CD48: variants seen among roughly 807,000 people sequenced by gnomAD.
CD48 encodes the protein CD48 molecule.
In CD48, 20 loss-of-function variants were observed where a neutral mutation model predicts 22.0. The observed-to-expected ratio is 0.91, with a 90% CI of 0.64 to 1.32. The LOEUF (loss-of-function observed/expected upper bound fraction) is 1.32, where lower values mean the gene tolerates loss of function less well. Ranked by LOEUF, CD48 falls within the 40% of genes most tolerant of loss-of-function variation. The pLI is 0.00. For missense variants in CD48, 307 were observed against 286.5 expected (o/e 1.07, Z -0.52); for synonymous variants, 110 against 110.1 (o/e 1.00, Z 0.01).
intron 1 of CD48, among the ~76,000 whole-genome samples, chr1:160,710,342 A>G (rs1232815893): frequency 1.3e-5 from 2 of 152,206 alleles, no homozygotes; most frequent in African/African-American, 2.4e-5. Flanking sequence ...GCCTAGCACA[A>G]TGTCTGACAC....
chr1:160,695,958 C>T (rs1662403140), intron 1 of CD48, among the ~76,000 whole-genome samples: 1 of 152,266 alleles, frequency 6.6e-6, no homozygotes, highest in African/African-American at 2.4e-5. Flanking sequence ...TTAGACAAGC[C>T]TTTATCAATT....
At chr1:160,691,636 C>T (rs1662222727) in intron 1 of CD48, 2 of 198,856 alleles carry the variant, frequency 1.0e-5, no homozygotes, top group Admixed American at 6.0e-5. Context: ...AACGTTGGTT[C>T]CCCGGGCCCC....
chr1:160,684,605 C>A, intron 2 of CD48: 1 of 969,752 alleles, frequency 1.0e-6, no homozygotes, highest in Non-Finnish European at 1.5e-6. Flanking sequence ...GATCACAGGA[C>A]AAAATGAAGG....
chr1:160,703,473 G>A (rs1268471665), intron 1 of CD48, among the ~76,000 whole-genome samples: 1 of 152,170 alleles, frequency 6.6e-6, no homozygotes, highest in African/African-American at 2.4e-5. Flanking sequence ...AGAATGATAG[G>A]TAAAGTGTAG....
intron 1 of CD48, among the ~76,000 whole-genome samples, chr1:160,711,384 CAA>C (rs1370638863): frequency 6.6e-6 from 1 of 151,604 alleles, no homozygotes; most frequent in Non-Finnish European, 1.5e-5. Flanking sequence ...AATGAAAAAA[CAA>C]ACACTTTTCC....
chr1:160,707,299 T>TGTAAA (rs1196199355), intron 1 of CD48, among the ~76,000 whole-genome samples: 1 of 152,148 alleles, frequency 6.6e-6, no homozygotes, highest in Non-Finnish European at 1.5e-5. Context: ...TAGGGCGGTA[T>TGTAAA]GTAAAGGGTC....
chr1:160,684,629 C>G, intron 2 of CD48: 1 of 1,153,604 alleles, frequency 8.7e-7, no homozygotes, highest in Non-Finnish European at 1.2e-6. Flanking sequence ...TAGGAAAAAT[C>G]TCTAGTTTTC....
At chr1:160,696,714 G>T (rs1571064302) in intron 1 of CD48, among the ~76,000 whole-genome samples, 1 of 131,644 alleles carries the variant, frequency 7.6e-6, no homozygotes, top group African/African-American at 2.8e-5. Context: ...ATTATCATAT[G>T]TCATGTAACA....
At chr1:160,700,771 A>T (rs1571068712) in intron 1 of CD48, among the ~76,000 whole-genome samples, 1 of 152,172 alleles carries the variant, frequency 6.6e-6, no homozygotes, top group Non-Finnish European at 1.5e-5. Context: ...GAAGTCATCT[A>T]AAGTTTTTAA....
chr1:160,689,352 G>A (rs1163576027), intron 1 of CD48, among the ~76,000 whole-genome samples: 3 of 152,202 alleles, frequency 2.0e-5, no homozygotes, highest in Middle Eastern at 3.4e-3. Context: ...GTGAGAGGTC[G>A]AATAAGTGGA....
intron 2 of CD48, chr1:160,684,446 A>G (rs558732460): frequency 9.6e-6 from 3 of 311,680 alleles, no homozygotes; most frequent in Non-Finnish European, 1.8e-5. Context: ...TATGAGTGGA[A>G]GTTTTTTTGT....
intron 2 of CD48, chr1:160,684,174 C>T (rs1403918352): frequency 1.3e-5 from 2 of 152,336 alleles, no homozygotes; most frequent in African/African-American, 2.4e-5. Context: ...TTAAGCCCTT[C>T]CTAGCTCTTT....
intron 1 of CD48, among the ~76,000 whole-genome samples, chr1:160,698,782 A>G (rs1294298472): frequency 6.6e-6 from 1 of 152,056 alleles, no homozygotes; most frequent in Non-Finnish European, 1.5e-5. Flanking sequence ...TAAAAGAACA[A>G]ATTTTCGAAG....
chr1:160,679,484 G>A lies in CD48; in HGVS notation c.653-353C>T, dbSNP rs114401519. On this transcript the variant is annotated intron_variant, in intron 3 of 3. Coordinates refer to ENST00000368046, the MANE Select transcript of CD48 (RefSeq NM_001778.4). ...TGACCACATGATACAATGCACAGCT[G>A]ACTTTAGAGAGAAAAGGACCACTTC... Among the ~76,000 whole-genome samples, 411 of 152,234 alleles carry A rather than the reference G, an allele frequency of 2.7e-3. 2 individuals carry two copies. Among genetic ancestry groups the A allele is most frequent in the Non-Finnish European group, 4.8e-3 (329 of 68,012 alleles).
intron 1 of CD48, among the ~76,000 whole-genome samples, chr1:160,687,122 G>A (rs1465232809): frequency 6.6e-6 from 1 of 152,098 alleles, no homozygotes; most frequent in Non-Finnish European, 1.5e-5. Flanking sequence ...CTTTCTCAGG[G>A]ATGTTCCATG....
intron 1 of CD48, chr1:160,686,822 C>T (rs143453502): frequency 1.3e-5 from 2 of 151,984 alleles, no homozygotes; most frequent in Non-Finnish European, 2.9e-5. Flanking sequence ...ATTAGAATAC[C>T]ATAAGGCAAG....
chr1:160,705,578 G>A (rs1258406082), intron 1 of CD48, among the ~76,000 whole-genome samples: 1 of 152,178 alleles, frequency 6.6e-6, no homozygotes, highest in African/African-American at 2.4e-5. Flanking sequence ...AGACTCTGCT[G>A]TCAGCAAGGC....
chr1:160,684,417 A>G (rs1661914593), intron 2 of CD48: 1 of 254,310 alleles, frequency 3.9e-6, no homozygotes, highest in Non-Finnish European at 7.6e-6. Context: ...TATTCCATAT[A>G]CACTGGTTAG....
intron 1 of CD48, among the ~76,000 whole-genome samples, chr1:160,707,059 A>G (rs36028934): frequency 0.015 from 2,300 of 152,334 alleles, 28 homozygotes; most frequent in South Asian, 0.035. Context: ...TCATAAGATT[A>G]AATATTTAAC....
Sources: gnomAD v4.1 joint callset for allele counts (sites outside exome capture counted in the v4.1 genomes callset) on GRCh38, gnomAD v4.1.1 for gene constraint, MANE v1.5 for transcripts, NCBI Gene and HGNC (gene_info 2026-07-23, HGNC 2026-07-21) for gene names.